Variants in GSTA5 observed in about 807,000 individuals in gnomAD.
The protein encoded by GSTA5 is glutathione S-transferase alpha 5.
In GSTA5, 25 loss-of-function variants were observed where a neutral mutation model predicts 21.8. The observed-to-expected ratio is 1.14, with a 90% CI of 0.83 to 1.60. The LOEUF is 1.60. Among genes scored for constraint, GSTA5 ranks in the 40% most tolerant of loss-of-function variants. GSTA5 has a pLI of 0.00. For synonymous variants in GSTA5, 102 were observed against 89.5 expected (o/e 1.14, Z -0.78); for missense variants, 330 against 259.2 (o/e 1.27, Z -1.88).
In GSTA5 at chr6:52,837,680, C is replaced by T. The variant is rs73740667; in HGVS notation, c.88-71G>A. 2,918 of 1,025,428 alleles carry T rather than the reference C, an allele frequency of 2.8e-3. 52 individuals carry two copies. In the African/African-American group the frequency reaches 0.04, roughly 14 times the overall value. The allele number at this position is 1,025,428 out of a possible 1,614,324, so 63.5% of individuals were successfully genotyped here. A position where few individuals can be genotyped will look rare whatever the true frequency, so the allele number is the denominator to read the frequency against. On this transcript the variant is annotated intron_variant, in intron 1 of 5. Transcript: ENST00000370989. Reference sequence around the variant, plus strand: ...ATAGACTTGTGATGTTGAATGGCCCCTATCTGGTGCATGATTTGGAGAATA... The same window carrying T: ...ATAGACTTGTGATGTTGAATGGCCCTTATCTGGTGCATGATTTGGAGAATA...
At chr6:52,832,252 A>T (rs1015067764) in intron 5 of GSTA5, among the ~76,000 whole-genome samples, 2 of 152,228 alleles carry the variant, frequency 1.3e-5, no homozygotes, top group African/African-American at 4.8e-5. Context: ...CTTGTATAAG[A>T]CAAGAAAAAT....
At chr6:52,841,068 A>G (rs1764371746), upstream of GSTA5, among the ~76,000 whole-genome samples, 1 of 152,210 alleles carries the variant, frequency 6.6e-6, no homozygotes, top group South Asian at 2.1e-4. Context: ...GCAGCCTAAG[A>G]GGTGAGAGTA....
At chr6:52,833,059 G>A in intron 4 of GSTA5, 69 bp from the exon 5 acceptor site, 1 of 1,580,298 alleles carries the variant, frequency 6.3e-7, no homozygotes, top group East Asian at 2.2e-5. Flanking sequence ...TTCTTTCAGA[G>A]CCTCTCCACC....
exon 4 of GSTA5, chr6:52,834,281 T>G (rs572036332): frequency 6.2e-7 from 1 of 1,603,514 alleles, no homozygotes; most frequent in Admixed American, 1.7e-5. Context: ...TACATATCAA[T>G]CCTGAAAGAC....
At chr6:52,834,316 CT>C in intron 3 of GSTA5, 34 bp from the exon 4 acceptor site, 5 of 1,586,904 alleles carry the variant, frequency 3.2e-6, no homozygotes, top group Non-Finnish European at 3.4e-6. Context: ...CATCAAATGC[CT>C]TTTGCCTTAG....
At chr6:52,842,907 C>A (rs961870693), upstream of GSTA5, among the ~76,000 whole-genome samples, 2 of 152,126 alleles carry the variant, frequency 1.3e-5, no homozygotes, top group Non-Finnish European at 2.9e-5. Flanking sequence ...CCCTAGGCCC[C>A]CACCCCACTA....
exon 6 of GSTA5, chr6:52,831,769 C>T: frequency 6.5e-7 from 1 of 1,527,776 alleles, no homozygotes; most frequent in Admixed American, 2.0e-5. Context: ...AGGCACAATC[C>T]ACACTTAGGT....
chr6:52,841,075 A>G (rs1764371968), upstream of GSTA5, among the ~76,000 whole-genome samples: 1 of 152,190 alleles, frequency 6.6e-6, no homozygotes, highest in South Asian at 2.1e-4. Context: ...AAGAGGTGAG[A>G]GTATGTGGTA....
At chr6:52,835,010 A>T (rs1375872040) in intron 3 of GSTA5, among the ~76,000 whole-genome samples, 3 of 152,298 alleles carry the variant, frequency 2.0e-5, no homozygotes, top group South Asian at 2.1e-4. Flanking sequence ...ACCTTTATTG[A>T]CGTATGTTCA....
chr6:52,842,098 T>C (rs1313797570), upstream of GSTA5, among the ~76,000 whole-genome samples: 1 of 152,246 alleles, frequency 6.6e-6, no homozygotes, highest in African/African-American at 2.4e-5. Flanking sequence ...AGAAATTGAC[T>C]GGGCTCATCA....
In GSTA5 at chr6:52,836,176, A is replaced by G. The variant is rs1463693878; in HGVS notation, c.272+60T>C. On this transcript the variant is annotated intron_variant, in intron 3 of 5. Transcript: ENST00000370989. Reference sequence around the variant, plus strand: ...GCCCTGCCATGGTCCCACCCACTCAAAGAAGGACTTAAATCACTCTGTGTT... The same window carrying G: ...GCCCTGCCATGGTCCCACCCACTCAGAGAAGGACTTAAATCACTCTGTGTT... 1.3e-5 allele frequency: 20 copies of G among 1,590,478 alleles called. 1 individual carries two copies. In the South Asian group the frequency reaches 1.8e-4, roughly 14 times the overall value.
upstream of GSTA5, among the ~76,000 whole-genome samples, chr6:52,845,509 G>T (rs1429541928): frequency 1.3e-5 from 2 of 152,218 alleles, no homozygotes; most frequent in African/African-American, 4.8e-5. Flanking sequence ...CTATCCTGTA[G>T]ATTGGCCGTG....
chr6:52,834,965 T>A (rs1764272026), intron 3 of GSTA5, among the ~76,000 whole-genome samples: 1 of 152,206 alleles, frequency 6.6e-6, no homozygotes, highest in African/African-American at 2.4e-5. Flanking sequence ...TTCTTTTGTG[T>A]CAAACTAGAG....
At chr6:52,837,228 G>A (rs62412888) in intron 2 of GSTA5, among the ~76,000 whole-genome samples, 44,027 of 152,056 alleles carry the variant, frequency 0.29, 7,373 homozygotes, top group Non-Finnish European at 0.39. Flanking sequence ...ATGTTCTTGC[G>A]TGTGCTTGGA....
At chr6:52,838,600 G>A (rs563833189) in intron 1 of GSTA5, among the ~76,000 whole-genome samples, 16 of 152,342 alleles carry the variant, frequency 1.1e-4, no homozygotes, top group Admixed American at 3.3e-4. Context: ...AATCTGACCA[G>A]AAGCTATGAG....
Position 52,840,697 on chromosome 6 carries a change from C to T in GSTA5, c.87+30G>A, listed in dbSNP as rs894592799. The T allele has an allele frequency of 2.5e-6, 4 of 1,594,050 alleles. No homozygotes were observed. In the Admixed American group the frequency reaches 5.0e-5, roughly 20 times the overall value. ...GTATGTGATAACGCAATTTTAAATC[C>T]AACTTAAGATGACCTTACTCAGAAC... is the stretch of plus-strand genomic sequence containing the variant. On this transcript the variant is annotated intron_variant, in intron 1 of 5. Transcript: ENST00000370989.
upstream of GSTA5, among the ~76,000 whole-genome samples, chr6:52,843,381 G>C (rs1303644708): frequency 6.6e-6 from 1 of 152,160 alleles, no homozygotes; most frequent in Non-Finnish European, 1.5e-5. Flanking sequence ...GTGTAAAAGT[G>C]TTGCTATTTC....
chr6:52,839,181 A>G (rs535175441), intron 1 of GSTA5, among the ~76,000 whole-genome samples: 23 of 152,228 alleles, frequency 1.5e-4, no homozygotes, highest in African/African-American at 5.5e-4. Flanking sequence ...GGCAAGTGGG[A>G]TGTGAGGACT....
In GSTA5 at chr6:52,836,384, A is replaced by C; in HGVS notation, c.140-16T>G. 1 of 1,612,956 alleles carries C rather than the reference A, an allele frequency of 6.2e-7. No individual in the cohort carries two copies. The highest frequency in any genetic ancestry group is 8.5e-7 in the Non-Finnish European group (1 of 1,179,434). On this transcript the variant is annotated splice_polypyrimidine_tract_variant and intron_variant, in intron 2 of 5. Coordinates refer to ENST00000370989, the Ensembl canonical transcript of GSTA5. Reference sequence around the variant, plus strand: ...AAACTCCCATCTTAGAAAGAAGAAAAAAAAAGGAGTATGAAGTGTCTATGA... The same window carrying C: ...AAACTCCCATCTTAGAAAGAAGAAACAAAAAGGAGTATGAAGTGTCTATGA...
Sources: allele counts gnomAD v4.1 joint callset (sites outside exome capture counted in the v4.1 genomes callset), GRCh38; gene constraint gnomAD v4.1.1; transcripts MANE v1.5; gene names NCBI Gene and HGNC (gene_info 2026-07-23, HGNC 2026-07-21).